Variants in ROBO2 observed in about 807,000 individuals in gnomAD.
ROBO2 encodes the protein roundabout guidance receptor 2, also known as roundabout homolog 2.
In ROBO2, 53 loss-of-function variants were observed where a neutral mutation model predicts 160.8. That is an observed-to-expected ratio of 0.33 (90% CI 0.26 to 0.41). The LOEUF (loss-of-function observed/expected upper bound fraction) is 0.41. Ranked by LOEUF, ROBO2 falls within the 10% of genes least tolerant of loss-of-function variation. The pLI, the probability that ROBO2 is intolerant of heterozygous loss-of-function variation, is 1.00. For missense variants in ROBO2, 1,577 were observed against 1,722.4 expected, an observed-to-expected ratio of 0.92 and a Z score of 1.49; for synonymous variants, 664 against 611.7, an observed-to-expected ratio of 1.09 and a Z score of -1.26.
chr3:77,288,456 A>C (rs1172017272), intron 2 of ROBO2, among the ~76,000 whole-genome samples: 1 of 152,178 alleles, frequency 6.6e-6, no homozygotes, highest in Non-Finnish European at 1.5e-5. Context: ...TCAAATCTTC[A>C]TATGGATTTT....
intron 2 of ROBO2, among the ~76,000 whole-genome samples, chr3:76,083,031 C>T (rs200330245): frequency 1.3e-4 from 19 of 151,950 alleles, no homozygotes; most frequent in African/African-American, 3.1e-4. Flanking sequence ...AAAGAGGAGG[C>T]GCTTCCTTCA....
chr3:76,108,540 T>G (rs560950389), intron 2 of ROBO2, among the ~76,000 whole-genome samples: 1 of 152,076 alleles, frequency 6.6e-6, no homozygotes, highest in South Asian at 2.1e-4. Flanking sequence ...TATCCATCTT[T>G]GTTTTGAATT....
intron 2 of ROBO2, among the ~76,000 whole-genome samples, chr3:76,510,290 C>T (rs2081018003): frequency 6.6e-6 from 1 of 152,146 alleles, no homozygotes; most frequent in Non-Finnish European, 1.5e-5. Flanking sequence ...CAAAATCAGG[C>T]TGCTGGAGAA....
chr3:76,433,676 G>A (rs189868560), intron 2 of ROBO2, among the ~76,000 whole-genome samples: 8 of 152,278 alleles, frequency 5.3e-5, no homozygotes, highest in African/African-American at 1.9e-4. Context: ...ATTGAACAAA[G>A]ATGTATATGT....
At position 76,242,223 on chromosome 3, in the gene ROBO2, C is replaced by T. The variant is rs144915538; in HGVS notation, c.109+304621C>T. On this transcript the variant is annotated intron_variant, in intron 2 of 26. Transcript: ENST00000487694. The stretch of plus-strand genomic sequence containing the variant: ...AGTTGTTGTGCGGCCCTGTTCTAGC[C>T]AGTTACATTATGGATCTGTGCACTC... Among the ~76,000 whole-genome samples, 523 of 152,160 alleles carry T rather than the reference C, an allele frequency of 3.4e-3. 6 individuals carry two copies. Among genetic ancestry groups the T allele is most frequent in the Admixed American group, 0.025 (377 of 15,274 alleles).
At chr3:76,248,040 G>A (rs1401513945) in intron 2 of ROBO2, among the ~76,000 whole-genome samples, 2 of 151,926 alleles carry the variant, frequency 1.3e-5, no homozygotes, top group African/African-American at 4.8e-5. Flanking sequence ...TACACTGTTG[G>A]TGGGACTGTA....
intron 16 of ROBO2, among the ~76,000 whole-genome samples, chr3:77,588,478 T>G (rs1221128773): frequency 7.6e-6 from 1 of 132,154 alleles, no homozygotes; most frequent in African/African-American, 2.9e-5. Context: ...CTTATTTTTA[T>G]AATTTATAAG....
chr3:76,982,320 T>C (rs2060139580), intron 2 of ROBO2, among the ~76,000 whole-genome samples: 2 of 152,238 alleles, frequency 1.3e-5, no homozygotes, highest in African/African-American at 4.8e-5. Context: ...GAATGATTTT[T>C]TTGAAAAGAC....
chr3:77,146,425 T>A (rs939018653), intron 2 of ROBO2, among the ~76,000 whole-genome samples: 6 of 152,076 alleles, frequency 3.9e-5, no homozygotes, highest in African/African-American at 1.4e-4. Context: ...GGAAATCATT[T>A]TTTTCCCCTT....
chr3:76,798,255 AGAAG>A lies in ROBO2; in HGVS notation c.110-299755_110-299752del, dbSNP rs1440651128. Among the ~76,000 whole-genome samples, 204 of 134,990 alleles carry A rather than the reference AGAAG, an allele frequency of 1.5e-3. 3 individuals carry two copies. The highest frequency in any genetic ancestry group is 4.5e-3 in the South Asian group (18 of 4,024). 88.6% of individuals were successfully genotyped at this position (134,990 alleles called of 152,430 possible). The stretch of plus-strand genomic sequence containing the variant: ...AAAGAAAGAAAAAAAGAAGAAAGAA[AGAAG>A]GAAAGAAAGAAAGAAAGAAAGAAAG... On this transcript the variant is annotated intron_variant, in intron 2 of 26. Coordinates refer to the ROBO2 transcript ENST00000487694.
chr3:76,605,120 ATGTT>A lies in ROBO2; in HGVS notation c.110-492890_110-492887del, dbSNP rs2087541541. Among the ~76,000 whole-genome samples, 4 of 152,174 alleles carry A rather than the reference ATGTT, an allele frequency of 2.6e-5. No homozygotes were observed. In the South Asian group the frequency reaches 6.2e-4, roughly 24 times the overall value. On this transcript the variant is annotated intron_variant, in intron 2 of 26. Coordinates refer to the ROBO2 transcript ENST00000487694. ...ACTGGAAAAATATATACTGATTAAA[ATGTT>A]TGTGTGCATTTATAACTTGTTGAAT...
intron 2 of ROBO2, among the ~76,000 whole-genome samples, chr3:76,451,449 A>G (rs2077470347): frequency 6.6e-6 from 1 of 152,170 alleles, no homozygotes. Context: ...TTAATGTCTA[A>G]AAATATTCCA....
intron 2 of ROBO2, among the ~76,000 whole-genome samples, chr3:76,787,876 A>T (rs1257808221): frequency 6.6e-6 from 1 of 151,494 alleles, no homozygotes; most frequent in Admixed American, 6.6e-5. Context: ...ACGTATCTTA[A>T]TTGCTTTTAC....
chr3:77,246,524 A>G (rs6788710), intron 2 of ROBO2, among the ~76,000 whole-genome samples: 80,755 of 151,898 alleles, frequency 0.53, 22,283 homozygotes, highest in Non-Finnish European at 0.62. Context: ...ACCATTAGGT[A>G]TTGAGCCACT....
chr3:76,368,370 G>A (rs926372409), intron 2 of ROBO2, among the ~76,000 whole-genome samples: 2 of 151,920 alleles, frequency 1.3e-5, no homozygotes, highest in Admixed American at 6.6e-5. Flanking sequence ...TGATTTTGTG[G>A]GTAAGGATTC....
At chr3:77,644,772 G>A (rs2095394710) in exon 25 of ROBO2, 2 of 1,613,940 alleles carry the variant, frequency 1.2e-6, no homozygotes, top group East Asian at 2.2e-5. Flanking sequence ...ATCAGGAACA[G>A]CTTCTTCTAA....
At chr3:76,033,775 G>C (rs947215354) in intron 2 of ROBO2, among the ~76,000 whole-genome samples, 1 of 152,118 alleles carries the variant, frequency 6.6e-6, no homozygotes, top group African/African-American at 2.4e-5. Context: ...TCATTCACAC[G>C]TGTGGCATGG....
chr3:76,001,748 T>C (rs750585698), intron 2 of ROBO2, among the ~76,000 whole-genome samples: 4 of 152,186 alleles, frequency 2.6e-5, no homozygotes, highest in Non-Finnish European at 5.9e-5. Context: ...TTTCACCTTG[T>C]TGTCCAGGCT....
intron 2 of ROBO2, among the ~76,000 whole-genome samples, chr3:76,208,746 C>T (rs943058908): frequency 6.6e-6 from 1 of 152,086 alleles, no homozygotes; most frequent in African/African-American, 2.4e-5. Flanking sequence ...TACCCATTTC[C>T]TCTGAAGCAC....
Sources: gnomAD v4.1 joint callset for allele counts (sites outside exome capture counted in the v4.1 genomes callset) on GRCh38, gnomAD v4.1.1 for gene constraint, MANE v1.5 for transcripts, NCBI Gene and HGNC (gene_info 2026-07-23, HGNC 2026-07-21) for gene names.